The following PIBF1 variants were observed in gnomAD, a reference collection of about 807,000 sequenced individuals.
The protein encoded by PIBF1 is progesterone immunomodulatory binding factor 1.
Under a neutral mutation model 112.5 loss-of-function variants are expected in PIBF1, and 90 were observed. The observed-to-expected ratio is 0.80, with a 90% CI of 0.67 to 0.95. The LOEUF (loss-of-function observed/expected upper bound fraction) is 0.95, where lower values mean the gene tolerates loss of function less well. Ranked by LOEUF, PIBF1 falls within the 40% of genes least tolerant of loss-of-function variation. PIBF1 has a pLI of 0.00. For missense variants in PIBF1, 915 were observed against 852.3 expected (o/e 1.07, Z -0.92); for synonymous variants, 301 against 288.6 (o/e 1.04, Z -0.44).
intron 15 of PIBF1, among the ~76,000 whole-genome samples, chr13:72,972,559 A>G (rs1054864468): frequency 6.6e-6 from 1 of 152,000 alleles, no homozygotes; most frequent in Non-Finnish European, 1.5e-5. Context: ...AGCCACTCAG[A>G]CAGCTGAGGC....
intron 16 of PIBF1, among the ~76,000 whole-genome samples, chr13:72,988,823 G>C (rs1481103529): frequency 1.3e-5 from 2 of 152,058 alleles, no homozygotes; most frequent in Non-Finnish European, 2.9e-5. Context: ...GATTGCTTGA[G>C]GTCAGGAGTT....
At chr13:72,819,868 C>T (rs1300978087) in intron 5 of PIBF1, among the ~76,000 whole-genome samples, 2 of 152,096 alleles carry the variant, frequency 1.3e-5, no homozygotes, top group African/African-American at 2.4e-5. Context: ...GCACTGTCTT[C>T]CACTGTTTTT....
chr13:72,998,743 A>G, intron 16 of PIBF1, 79 bp from the exon 17 acceptor site: 1 of 928,734 alleles, frequency 1.1e-6, no homozygotes, highest in Non-Finnish European at 1.6e-6. Flanking sequence ...TCTACTTAAA[A>G]ATATTTTAAT....
At chr13:72,980,459 A>G (rs2043129298) in intron 16 of PIBF1, among the ~76,000 whole-genome samples, 1 of 152,216 alleles carries the variant, frequency 6.6e-6, no homozygotes, top group African/African-American at 2.4e-5. Context: ...TCAAGAGGTC[A>G]GGCCAAAGAA....
rs559200635 is a variant in PIBF1 at position 73,009,150 on chromosome 13, G to A, written c.2224-6719G>A. ...TGTCTGCATTTTAAGCGGGAAGCGA[G>A]AAAAAGGGAGGAAAATAGTCTCCCT... is the stretch of plus-strand genomic sequence containing the variant. On this transcript the variant is annotated intron_variant, in intron 17 of 17. Transcript: ENST00000326291. Among the ~76,000 whole-genome samples, 8 of 152,238 alleles carry A rather than the reference G, an allele frequency of 5.3e-5. No homozygotes were observed. The East Asian group carries it at 1.4e-3, about 26-fold the overall frequency.
At chr13:72,826,933 A>G (rs972534719) in intron 6 of PIBF1, 77 bp from the exon 7 acceptor site, 45 of 729,306 alleles carry the variant, frequency 6.2e-5, no homozygotes, top group Non-Finnish European at 9.7e-5. Context: ...GTCCTAATAC[A>G]TAGTCAACCC....
intron 9 of PIBF1, among the ~76,000 whole-genome samples, chr13:72,837,027 TTA>T (rs1176096209): frequency 6.6e-6 from 1 of 152,044 alleles, no homozygotes; most frequent in East Asian, 1.9e-4. Flanking sequence ...TTTAAAATAA[TTA>T]TGTCATATTT....
At chr13:73,013,661 C>T (rs1000467691) in intron 17 of PIBF1, among the ~76,000 whole-genome samples, 2 of 147,802 alleles carry the variant, frequency 1.4e-5, no homozygotes, top group African/African-American at 5.0e-5. Context: ...CACTTGAGCC[C>T]GAGAGGTTGA....
intron 14 of PIBF1, among the ~76,000 whole-genome samples, chr13:72,933,697 C>T (rs944742459): frequency 7.2e-5 from 11 of 152,070 alleles, no homozygotes; most frequent in Admixed American, 5.2e-4. Context: ...AATGTGAACA[C>T]ACGTCTATAA....
rs138043929 is a variant in PIBF1, at chr13:72,985,193, C to T, written c.2049+11518C>T. Among the ~76,000 whole-genome samples, 1,056 of 152,014 alleles carry T rather than the reference C, an allele frequency of 6.9e-3. 15 individuals are homozygous for T. The highest frequency in any genetic ancestry group is 0.025 in the African/African-American group (1,018 of 41,484). ...GAGACACACACACAAAAAAAAACTACAAAACTGTAAAATCTCTGAAACTGT... is the reference window on the plus strand; with the variant it reads ...GAGACACACACACAAAAAAAAACTATAAAACTGTAAAATCTCTGAAACTGT... On this transcript the variant is annotated intron_variant, in intron 16 of 17. Coordinates refer to ENST00000326291, the MANE Select transcript of PIBF1 (RefSeq NM_006346.4).
intron 12 of PIBF1, among the ~76,000 whole-genome samples, chr13:72,909,908 C>G (rs2040839129): frequency 6.6e-6 from 1 of 152,124 alleles, no homozygotes; most frequent in Non-Finnish European, 1.5e-5. Flanking sequence ...ATCTTCCTGT[C>G]TTATCCCTAA....
At chr13:72,786,283 T>C (rs2034592603) in intron 2 of PIBF1, among the ~76,000 whole-genome samples, 1 of 152,214 alleles carries the variant, frequency 6.6e-6, no homozygotes, top group African/African-American at 2.4e-5. Flanking sequence ...GCAATAGTCG[T>C]GTTCCTGAGT....
Position 72,798,030 on chromosome 13 carries a change from T to C in PIBF1, c.672+4T>C. 3 of 1,588,428 alleles carry C rather than the reference T, an allele frequency of 1.9e-6. No individual in the cohort carries two copies. The highest frequency in any genetic ancestry group is 2.6e-6 in the Non-Finnish European group (3 of 1,171,464). The stretch of plus-strand genomic sequence containing the variant: ...CCAACTGAAGCAGCTGACAGAGGTT[T>C]GTATGGTTTTGATTGCTGGTGGGAA... On this transcript the variant is annotated splice_donor_region_variant and intron_variant, in intron 5 of 17. Transcript: ENST00000326291.
chr13:72,990,159 A>G (rs2043426402), intron 16 of PIBF1, among the ~76,000 whole-genome samples: 1 of 143,890 alleles, frequency 6.9e-6, no homozygotes, highest in Non-Finnish European at 1.5e-5. Flanking sequence ...GGTTGCAGTG[A>G]GCTGAGATTG....
chr13:72,873,532 A>G (rs1241129724), intron 10 of PIBF1, among the ~76,000 whole-genome samples: 1 of 151,964 alleles, frequency 6.6e-6, no homozygotes, highest in African/African-American at 2.4e-5. Context: ...CCTCCCAAGT[A>G]GCTGGGATTT....
At chr13:72,876,134 C>CTTTTTTTTTTTTT (rs386363749) in intron 10 of PIBF1, among the ~76,000 whole-genome samples, 9 of 91,234 alleles carry the variant, frequency 9.9e-5, no homozygotes, top group Admixed American at 3.2e-4. Context: ...TGTTCAGATT[C>CTTTTTTTTTTTTT]TTTTTTTTTT....
intron 5 of PIBF1, among the ~76,000 whole-genome samples, chr13:72,804,777 A>T (rs1311543250): frequency 2.0e-5 from 3 of 152,220 alleles, no homozygotes; most frequent in African/African-American, 7.2e-5. Flanking sequence ...CTAACAGAGG[A>T]ATTAATATTT....
At chr13:72,847,373 G>A (rs921369071) in intron 9 of PIBF1, among the ~76,000 whole-genome samples, 14 of 152,238 alleles carry the variant, frequency 9.2e-5, no homozygotes, top group Admixed American at 7.2e-4. Context: ...CTGGAGGCTG[G>A]GAAGTCCAAT....
intron 16 of PIBF1, among the ~76,000 whole-genome samples, chr13:72,995,078 A>AAT: frequency 6.6e-6 from 1 of 151,816 alleles, no homozygotes; most frequent in South Asian, 2.1e-4. Context: ...GAGGTGGGTG[A>AAT]ATCATGAGGT....
Sources: allele counts gnomAD v4.1 joint callset (sites outside exome capture counted in the v4.1 genomes callset), GRCh38; gene constraint gnomAD v4.1.1; transcripts MANE v1.5; gene names NCBI Gene and HGNC (gene_info 2026-07-23, HGNC 2026-07-21).